Variants in ADARB2 observed in about 807,000 individuals in gnomAD.
ADARB2 encodes the protein adenosine deaminase RNA specific B2 (inactive), also known as inactive double-stranded RNA-specific editase B2.
A neutral mutation model predicts 62.2 loss-of-function variants in ADARB2; 25 were observed. That is an observed-to-expected ratio of 0.40 (90% CI 0.29 to 0.56). The LOEUF is 0.56. Among genes scored for constraint, ADARB2 ranks in the 20% least tolerant of loss-of-function variants. The pLI is 0.43. For missense variants in ADARB2, 1,071 were observed against 1,077.4 expected, an observed-to-expected ratio of 0.99 and a Z score of 0.08; for synonymous variants, 572 against 500.8, an observed-to-expected ratio of 1.14 and a Z score of -1.90.
chr10:1,358,537 G>T (rs1002531848), intron 3 of ADARB2, among the ~76,000 whole-genome samples: 3 of 152,126 alleles, frequency 2.0e-5, no homozygotes, highest in African/African-American at 7.2e-5. Flanking sequence ...TGCCCCAGGT[G>T]CCACCGCTCC....
intron 1 of ADARB2, among the ~76,000 whole-genome samples, chr10:1,468,447 G>A (rs558401612): frequency 1.9e-4 from 29 of 152,224 alleles, no homozygotes; most frequent in Non-Finnish European, 3.8e-4. Flanking sequence ...GGCCCAAGAT[G>A]CGCTTTTGTC....
chr10:1,215,924 A>C (rs1001124833), intron 7 of ADARB2: 4 of 150,116 alleles, frequency 2.7e-5, no homozygotes, highest in African/African-American at 9.9e-5. Context: ...AGGGCCTCAG[A>C]TCCACGTTGG....
rs537124421 is a variant in ADARB2, at chr10:1,609,971, T to G, written c.100+127080A>C. ...TTCAGATGCTTCTGCTTAGCATAAT[T>G]TTGTTTTCAGCTATTTAAGCAAAGG... On this transcript the variant is annotated intron_variant, in intron 1 of 9. Transcript: ENST00000381312. Among the ~76,000 whole-genome samples the G allele has an allele frequency of 1.0e-3, 152 of 152,346 alleles. 1 individual carries two copies. The highest frequency in any genetic ancestry group is 9.1e-3 in the South Asian group (44 of 4,826).
At chr10:1,384,798 T>C (rs1196777857) in intron 1 of ADARB2, among the ~76,000 whole-genome samples, 1 of 152,184 alleles carries the variant, frequency 6.6e-6, no homozygotes, top group Non-Finnish European at 1.5e-5. Flanking sequence ...TTCAGAGATC[T>C]GGTGGGGCCA....
rs745830312 is a variant in ADARB2 at position 1,411,052 on chromosome 10, C to T, written c.101-31892G>A. On this transcript the variant is annotated intron_variant, in intron 1 of 9. Transcript: ENST00000381312. ...TGGTGTCTGCGCTCCTCCCTCAGGGCGCCTGCAGGGAAACTGCATCCTGCT... is the reference window on the plus strand; with the variant it reads ...TGGTGTCTGCGCTCCTCCCTCAGGGTGCCTGCAGGGAAACTGCATCCTGCT... Among the ~76,000 whole-genome samples, 173 of 152,208 alleles carry T rather than the reference C, an allele frequency of 1.1e-3. 3 individuals are homozygous for T. The highest frequency in any genetic ancestry group is 1.2e-3 in the South Asian group (6 of 4,826).
intron 1 of ADARB2, among the ~76,000 whole-genome samples, chr10:1,708,033 C>T (rs1314551522): frequency 6.6e-6 from 1 of 152,184 alleles, no homozygotes; most frequent in Non-Finnish European, 1.5e-5. Flanking sequence ...GAAAATGACA[C>T]GGTAGCTTGT....
chr10:1,602,931 ACAT>A (rs1833440607), intron 1 of ADARB2, among the ~76,000 whole-genome samples: 2 of 151,620 alleles, frequency 1.3e-5, no homozygotes, highest in South Asian at 4.2e-4. Context: ...ACATAGATGC[ACAT>A]CATGCGCACA....
At chr10:1,484,890 A>AT (rs1349939786) in intron 1 of ADARB2, among the ~76,000 whole-genome samples, 1 of 152,152 alleles carries the variant, frequency 6.6e-6, no homozygotes, top group African/African-American at 2.4e-5. Context: ...ATGTAGGTGG[A>AT]TTTGTAGGTG....
intron 1 of ADARB2, among the ~76,000 whole-genome samples, chr10:1,385,192 T>C (rs1424548354): frequency 6.6e-6 from 1 of 152,158 alleles, no homozygotes; most frequent in Non-Finnish European, 1.5e-5. Context: ...GAAATCCATA[T>C]TCTGAACAAC....
At chr10:1,299,084 C>T (rs545188810) in intron 3 of ADARB2, among the ~76,000 whole-genome samples, 40 of 151,864 alleles carry the variant, frequency 2.6e-4, no homozygotes, top group African/African-American at 9.4e-4. Context: ...ATGATTCTCC[C>T]TTATGATGAT....
chr10:1,322,648 A>G (rs1015882405), intron 3 of ADARB2, among the ~76,000 whole-genome samples: 1 of 152,218 alleles, frequency 6.6e-6, no homozygotes, highest in African/African-American at 2.4e-5. Context: ...TTGACAGATC[A>G]TAAGAGCCAC....
intron 2 of ADARB2, among the ~76,000 whole-genome samples, chr10:1,367,649 A>C (rs766499644): frequency 4.6e-5 from 7 of 152,164 alleles, no homozygotes; most frequent in Non-Finnish European, 7.4e-5. Flanking sequence ...GGAGCAAAAA[A>C]CCCAACAAGA....
chr10:1,500,040 C>G (rs897247335), intron 1 of ADARB2, among the ~76,000 whole-genome samples: 1 of 152,202 alleles, frequency 6.6e-6, no homozygotes, highest in Admixed American at 6.5e-5. Context: ...AACTGCACAA[C>G]GTATTTTATT....
chr10:1,392,034 G>A (rs1832575386), intron 1 of ADARB2, among the ~76,000 whole-genome samples: 1 of 152,044 alleles, frequency 6.6e-6, no homozygotes, highest in African/African-American at 2.4e-5. Context: ...CCAAAGTGCT[G>A]GGATTACAGG....
At chr10:1,226,665 T>C (rs1830749385) in intron 6 of ADARB2, among the ~76,000 whole-genome samples, 1 of 152,228 alleles carries the variant, frequency 6.6e-6, no homozygotes, top group Admixed American at 6.5e-5. Context: ...TGGAGTTTGT[T>C]AGAGGTCCAC....
chr10:1,230,510 C>G (rs898733494), intron 6 of ADARB2, among the ~76,000 whole-genome samples: 1 of 152,206 alleles, frequency 6.6e-6, no homozygotes, highest in Non-Finnish European at 1.5e-5. Flanking sequence ...AAGACATACA[C>G]CGCCTGAGTT....
chr10:1,459,725 C>T (rs12413615), intron 1 of ADARB2, among the ~76,000 whole-genome samples: 31,940 of 152,112 alleles, frequency 0.21, 3,675 homozygotes, highest in East Asian at 0.42. Flanking sequence ...TGGGCCATTA[C>T]ACTCCAGCCT....
At chr10:1,226,583 T>A (rs1589157570) in intron 6 of ADARB2, among the ~76,000 whole-genome samples, 1 of 152,252 alleles carries the variant, frequency 6.6e-6, no homozygotes, top group Non-Finnish European at 1.5e-5. Flanking sequence ...TACAGATGGG[T>A]TTTTGGTGTG....
At chr10:1,303,152 A>G (rs1042849645) in intron 3 of ADARB2, among the ~76,000 whole-genome samples, 2 of 151,840 alleles carry the variant, frequency 1.3e-5, no homozygotes, top group African/African-American at 4.8e-5. Context: ...AGAATTTGTA[A>G]CTAGAATAAC....
Sources: allele counts gnomAD v4.1 joint callset (sites outside exome capture counted in the v4.1 genomes callset), GRCh38; gene constraint gnomAD v4.1.1; transcripts MANE v1.5; gene names NCBI Gene and HGNC (gene_info 2026-07-23, HGNC 2026-07-21).